ESRRG: variants seen among roughly 807,000 people sequenced by gnomAD.
The protein encoded by ESRRG is estrogen-related receptor gamma.
A neutral mutation model predicts 44.0 loss-of-function variants in ESRRG; 13 were observed. The ratio of observed to expected loss-of-function variants is 0.30; its 90% CI spans 0.19 to 0.47. ESRRG has a LOEUF of 0.47. Among genes scored for constraint, ESRRG ranks in the 20% least tolerant of loss-of-function variants. The probability of loss-of-function intolerance (pLI) is 1.00; values close to 1 mark genes in which losing one functional copy is unlikely to be tolerated. For synonymous variants in ESRRG, 215 were observed against 214.6 expected (o/e 1.00, Z -0.02); for missense variants, 395 against 580.6 (o/e 0.68, Z 3.29).
At chr1:217,127,155 A>G (rs1558291111) in intron 1 of ESRRG, among the ~76,000 whole-genome samples, 1 of 152,196 alleles carries the variant, frequency 6.6e-6, no homozygotes, top group Non-Finnish European at 1.5e-5. Flanking sequence ...CTTAATTGTA[A>G]CTGCTTGTTC....
Position 216,679,633 on chromosome 1 carries a change from C to CTT in ESRRG, c.57-2144_57-2143dup, listed in dbSNP as rs369793478. Reference sequence around the variant, plus strand: ...TTTTTTAATTTGGAATTTTTTTTTTCTTTTTTTTTTTTTTATCCAGAGGAG... The same window carrying CTT: ...TTTTTTAATTTGGAATTTTTTTTTTCTTTTTTTTTTTTTTTTATCCAGAGGAG... On this transcript the variant is annotated intron_variant, in intron 1 of 6. Coordinates refer to ENST00000408911, the MANE Select transcript of ESRRG (RefSeq NM_001438.4). Among the ~76,000 whole-genome samples the CTT allele has an allele frequency of 3.0e-3, 428 of 140,830 alleles. 2 individuals carry two copies. The highest frequency in any genetic ancestry group is 9.7e-3 in the African/African-American group (367 of 37,930). 92.4% of individuals were successfully genotyped at this position (140,830 alleles called of 152,430 possible).
intron 2 of ESRRG, among the ~76,000 whole-genome samples, chr1:216,671,037 G>A (rs2075067560): frequency 6.6e-6 from 1 of 152,130 alleles, no homozygotes; most frequent in African/African-American, 2.4e-5. Context: ...TGCAGTATTT[G>A]GGTGCTTGCT....
At chr1:216,994,390 C>A (rs950509457) in intron 1 of ESRRG, among the ~76,000 whole-genome samples, 1 of 152,138 alleles carries the variant, frequency 6.6e-6, no homozygotes, top group Non-Finnish European at 1.5e-5. Flanking sequence ...ATGGGGCACC[C>A]GGAAGGGGTG....
intron 2 of ESRRG, among the ~76,000 whole-genome samples, chr1:216,847,773 T>C (rs2148945133): frequency 6.6e-6 from 1 of 152,230 alleles, no homozygotes; most frequent in South Asian, 2.1e-4. Context: ...ACTGCTGAGC[T>C]GAGGGGTCCA....
intron 2 of ESRRG, among the ~76,000 whole-genome samples, chr1:216,755,978 C>T (rs1196456849): frequency 6.6e-6 from 1 of 152,016 alleles, no homozygotes; most frequent in Non-Finnish European, 1.5e-5. Flanking sequence ...TCTAAAAAAA[C>T]TAACTTTCCC....
chr1:217,010,100 C>A (rs538755862), intron 1 of ESRRG, among the ~76,000 whole-genome samples: 2 of 152,030 alleles, frequency 1.3e-5, no homozygotes, highest in African/African-American at 4.8e-5. Context: ...GAGTACAATA[C>A]GAAGAGATTT....
chr1:216,628,389 G>A (rs1333222212), intron 3 of ESRRG, among the ~76,000 whole-genome samples: 1 of 152,108 alleles, frequency 6.6e-6, no homozygotes, highest in East Asian at 1.9e-4. Context: ...TGACTAGCTG[G>A]GTTTAGAGGT....
chr1:216,552,905 A>G (rs1338851949), intron 5 of ESRRG, among the ~76,000 whole-genome samples: 3 of 152,200 alleles, frequency 2.0e-5, no homozygotes, highest in Non-Finnish European at 4.4e-5. Flanking sequence ...CTCTTTTAGA[A>G]TAACAGCAAT....
chr1:216,910,259 C>T (rs1413341812), intron 2 of ESRRG, among the ~76,000 whole-genome samples: 6 of 152,052 alleles, frequency 3.9e-5, no homozygotes, highest in East Asian at 1.9e-4. Flanking sequence ...CACACACACA[C>T]GCATACATTG....
chr1:216,724,835 T>A (rs978741640), upstream of ESRRG, among the ~76,000 whole-genome samples: 1 of 152,276 alleles, frequency 6.6e-6, no homozygotes, highest in African/African-American at 2.4e-5. Context: ...TTGGAATAGA[T>A]ACCAGCTATT....
chr1:216,681,673 C>G (rs532356394), intron 1 of ESRRG, among the ~76,000 whole-genome samples: 1 of 152,116 alleles, frequency 6.6e-6, no homozygotes, highest in African/African-American at 2.4e-5. Flanking sequence ...GCATTAGATA[C>G]TAATGATCAG....
Position 216,906,553 on chromosome 1 carries a change from C to T in ESRRG, c.-14+33029G>A, listed in dbSNP as rs2149532386. Reference sequence around the variant, plus strand: ...ACTCTCCCTCCTACTTCCCTCCCTACCAGCCAAATTGCCTCATAGACTCCA... The same window carrying T: ...ACTCTCCCTCCTACTTCCCTCCCTATCAGCCAAATTGCCTCATAGACTCCA... On this transcript the variant is annotated intron_variant, in intron 2 of 7. Transcript: ENST00000359162. Among the ~76,000 whole-genome samples, 2 of 152,308 alleles carry T rather than the reference C, an allele frequency of 1.3e-5. 1 individual carries two copies.
chr1:217,130,282 G>C (rs1219647157), intron 1 of ESRRG, among the ~76,000 whole-genome samples: 2 of 152,158 alleles, frequency 1.3e-5, no homozygotes, highest in Non-Finnish European at 2.9e-5. Context: ...GTGCAGGCTG[G>C]AGTGCAGCAG....
At chr1:216,959,529 A>T (rs1433258734) in intron 1 of ESRRG, 2 of 152,044 alleles carry the variant, frequency 1.3e-5, no homozygotes, top group Non-Finnish European at 2.9e-5. Flanking sequence ...CTATCTTAAA[A>T]AAAAAAAATT....
intron 2 of ESRRG, among the ~76,000 whole-genome samples, chr1:216,735,987 A>AAT (rs1553555387): frequency 6.2e-4 from 85 of 137,118 alleles, no homozygotes; most frequent in African/African-American, 1.8e-3. Flanking sequence ...CTCAAAAAAA[A>AAT]ATATATATAT....
chr1:217,101,359 A>G (rs1420502717), intron 1 of ESRRG, among the ~76,000 whole-genome samples: 1 of 152,176 alleles, frequency 6.6e-6, no homozygotes, highest in Non-Finnish European at 1.5e-5. Context: ...TGTATATGCA[A>G]TGTTTAGCAC....
chr1:216,842,093 T>C (rs2095662436), intron 2 of ESRRG, among the ~76,000 whole-genome samples: 1 of 152,184 alleles, frequency 6.6e-6, no homozygotes, highest in African/African-American at 2.4e-5. Context: ...TCTTCATTAT[T>C]CATAGTAGCA....
chr1:216,605,349 C>T (rs944180077), intron 3 of ESRRG, among the ~76,000 whole-genome samples: 1 of 151,732 alleles, frequency 6.6e-6, no homozygotes, highest in Non-Finnish European at 1.5e-5. Flanking sequence ...ACATATGGAG[C>T]AGTTTGCAAA....
chr1:217,073,197 C>CAAAA lies in ESRRG; in HGVS notation c.-106+16306_-106+16309dup, dbSNP rs34950214. Among the ~76,000 whole-genome samples the CAAAA allele has an allele frequency of 5.0e-3, 376 of 75,956 alleles. 32 individuals carry two copies. Among genetic ancestry groups the CAAAA allele is most frequent in the South Asian group, 0.012 (24 of 2,060 alleles). 49.8% of individuals were successfully genotyped at this position (75,956 alleles called of 152,430 possible). On this transcript the variant is annotated intron_variant, in intron 1 of 7. Coordinates refer to the ESRRG transcript ENST00000359162. The stretch of plus-strand genomic sequence containing the variant: ...CACCTTGTCTTCATTCCTTTCTGGA[C>CAAAA]AAAAAAAAAAAAAAAAAAAAAAAAA...
Sources: allele counts gnomAD v4.1 joint callset (sites outside exome capture counted in the v4.1 genomes callset), GRCh38; gene constraint gnomAD v4.1.1; transcripts MANE v1.5; gene names NCBI Gene and HGNC (gene_info 2026-07-23, HGNC 2026-07-21).